The following BAAT variants were observed in gnomAD, a reference collection of about 807,000 sequenced individuals.
BAAT encodes the protein bile acid-CoA:amino acid N-acyltransferase.
Under a neutral mutation model 18.9 loss-of-function variants are expected in BAAT, and 13 were observed. The ratio of observed to expected loss-of-function variants is 0.69; its 90% CI spans 0.45 to 1.10. BAAT has a LOEUF of 1.10. Among genes scored for constraint, BAAT ranks in the 50% least tolerant of loss-of-function variants. The pLI, the probability that BAAT is intolerant of heterozygous loss-of-function variation, is 0.00. For synonymous variants in BAAT, 170 were observed against 190.7 expected, an observed-to-expected ratio of 0.89 and a Z score of 0.89; for missense variants, 489 against 504.0, an observed-to-expected ratio of 0.97 and a Z score of 0.28.
chr9:101,381,240 G>T (rs1830127448), intron 1 of BAAT, among the ~76,000 whole-genome samples: 4 of 151,926 alleles, frequency 2.6e-5, no homozygotes, highest in Admixed American at 2.6e-4. Flanking sequence ...AGAAGACACA[G>T]GCCAGGCGTG....
At position 101,368,297 on chromosome 9, in the gene BAAT, A is replaced by G. The variant is rs1160945771; in HGVS notation, c.492T>C (p.Ile164=). Residue 164 remains isoleucine (I), a synonymous_variant, in exon 3 of 4, where the codon ATT becomes ATC. Coordinates refer to ENST00000259407, the MANE Select transcript of BAAT (RefSeq NM_001701.4). ...GCCCACCCAAACCACCAAACAAATCAATTACCCCTGGGAAGAGACCCTCTC... is the reference window on the plus strand; with the variant it reads ...GCCCACCCAAACCACCAAACAAATCGATTACCCCTGGGAAGAGACCCTCTC... ...PPGEGLFPGV[I]DLFGGLGGLL... 5 of 1,612,834 alleles carry G rather than the reference A, an allele frequency of 3.1e-6. No individual in the cohort carries two copies. The highest frequency in any genetic ancestry group is 4.2e-6 in the Non-Finnish European group (5 of 1,179,972).
At chr9:101,365,809 C>T (rs1829816355) in intron 3 of BAAT, among the ~76,000 whole-genome samples, 1 of 152,138 alleles carries the variant, frequency 6.6e-6, no homozygotes, top group Admixed American at 6.5e-5. Context: ...GCTGGGATTA[C>T]AGGCATGAGC....
intron 1 of BAAT, among the ~76,000 whole-genome samples, chr9:101,380,947 G>A (rs1278479758): frequency 6.6e-6 from 1 of 151,390 alleles, no homozygotes; most frequent in Admixed American, 6.6e-5. Flanking sequence ...AGTAGAGATG[G>A]GGTTTCAGCA....
At position 101,362,508 on chromosome 9, in the gene BAAT, C is replaced by T. The variant is rs748612929; in HGVS notation, c.1177G>A (p.Ala393Thr). ...TCCTTCCAAGCATGTTCCTGTGCAG[C>T]TGCGTGTGGGATCACCTCTCCTCCC... ...HWGGEVIPHA[A>T]AQEHAWKEIQ... Residue 393 changes from alanine (A) to threonine (T), a missense_variant, in exon 4 of 4, where the codon GCT (alanine) becomes ACT (threonine). Transcript: ENST00000259407. 2 of 1,614,120 alleles carry T rather than the reference C, an allele frequency of 1.2e-6. No homozygotes were observed. The highest frequency in any genetic ancestry group is 1.7e-6 in the Non-Finnish European group (2 of 1,180,024).
chr9:101,379,904 A>C (rs1830105543), intron 1 of BAAT, among the ~76,000 whole-genome samples: 1 of 152,328 alleles, frequency 6.6e-6, no homozygotes, highest in South Asian at 2.1e-4. Flanking sequence ...ACTTCATCCA[A>C]GAAAATCAAA....
At chr9:101,381,221 A>C (rs1211043680) in intron 1 of BAAT, among the ~76,000 whole-genome samples, 3 of 151,556 alleles carry the variant, frequency 2.0e-5, no homozygotes, top group Non-Finnish European at 2.9e-5. Context: ...CAGATCAAAC[A>C]CTCCAATTAG....
At chr9:101,363,148 T>G in intron 3 of BAAT, 133 bp from the exon 4 acceptor site, 2 of 829,008 alleles carry the variant, frequency 2.4e-6, no homozygotes, top group Non-Finnish European at 3.8e-6. Context: ...TCCCTAGCTA[T>G]AGAGTTCTGG....
At chr9:101,373,818 G>A (rs1829997661) in intron 1 of BAAT, among the ~76,000 whole-genome samples, 1 of 152,198 alleles carries the variant, frequency 6.6e-6, no homozygotes, top group Admixed American at 6.5e-5. Flanking sequence ...GGTCTCGGGG[G>A]TAGGGGCGAA....
intron 1 of BAAT, among the ~76,000 whole-genome samples, chr9:101,374,384 C>G (rs1830004548): frequency 6.7e-6 from 1 of 150,332 alleles, no homozygotes; most frequent in African/African-American, 2.4e-5. Context: ...ATGCCTAGAG[C>G]CACATTTCTA....
At position 101,362,634 on chromosome 9, in the gene BAAT, T is replaced by C. The variant is rs1435770888; in HGVS notation, c.1051A>G (p.Asn351Asp). Residue 351 changes from asparagine (N) to aspartate (D), a missense_variant, in exon 4 of 4, where the codon AAC becomes GAC. Physicochemically the swap from Asn to Asp is conservative, Grantham distance 23. Coordinates refer to ENST00000259407, the MANE Select transcript of BAAT (RefSeq NM_001701.4). ...CCAGGGTAAGATAGCAGGGTCCAGT[T>C]GTTCTTCCCATGTCTCTTCAGCTGT... ...IGQLKRHGKN[N>D]WTLLSYPGAG... is the part of the protein sequence containing the mutation. 1.9e-6 allele frequency: 3 copies of C among 1,614,050 alleles called. No individual in the cohort carries two copies. Among genetic ancestry groups the C allele is most frequent in the Non-Finnish European group, 8.5e-7 (1 of 1,180,026 alleles).
Position 101,371,303 on chromosome 9 carries a change from T to C in BAAT, c.102A>G (p.Ala34=), listed in dbSNP as rs774722346. 6.2e-7 allele frequency: 1 copy of C among 1,613,764 alleles called. No homozygotes were observed. Among genetic ancestry groups the C allele is most frequent in the Non-Finnish European group, 8.5e-7 (1 of 1,179,694 alleles). ...LIPFQMVSFQ[A]SLEDENGDMF... is the part of the protein sequence containing the mutation. ...TGTCTCCGTTTTCATCTTCCAGTGA[T>C]GCCTGAAAACTCACCATCTGAAAGG... Residue 34 remains alanine (A), a synonymous_variant, in exon 2 of 4, where the codon GCA becomes GCG. Coordinates refer to ENST00000259407, the MANE Select transcript of BAAT (RefSeq NM_001701.4).
At position 101,368,204 on chromosome 9, in the gene BAAT, GT is replaced by G. The variant is rs1262103247; in HGVS notation, c.584del (p.Asn195ThrfsTer11). The G allele has an allele frequency of 6.3e-7, 1 of 1,593,658 alleles. No homozygotes were observed. The highest frequency in any genetic ancestry group is 1.3e-5 in the African/African-American group (1 of 74,168). The part of the protein sequence containing the change: ...GFASLALAYH[N>X]YEDLPRKPEV... The stretch of plus-strand genomic sequence containing the variant: ...CTGGTTTGCGGGGCAGGTCTTCATA[GT>G]TATGGTAAGCCAAGGCCAAGGAGGC... On this transcript the variant is annotated frameshift_variant, in exon 3 of 4. Transcript: ENST00000259407. LOFTEE classifies it high-confidence loss of function.
intron 1 of BAAT, chr9:101,375,339 A>G (rs1246910573): frequency 5.9e-6 from 1 of 170,592 alleles, no homozygotes; most frequent in East Asian, 1.4e-4. Flanking sequence ...CAGTGTGTGA[A>G]CAGACTAATA....
Position 101,361,581 on chromosome 9 carries a change from A to G in BAAT, c.*847T>C, listed in dbSNP as rs948710263. The G allele has an allele frequency of 6.5e-6, 1 of 152,722 alleles. No homozygotes were observed. Among genetic ancestry groups the G allele is most frequent in the East Asian group, 1.9e-4 (1 of 5,206 alleles). The allele number at this position is 152,722 out of a possible 1,614,324, so 9.5% of individuals were successfully genotyped here. A position where few individuals can be genotyped will look rare whatever the true frequency, so the allele number is the denominator to read the frequency against. ...AGAGCTCACATTCATGTGCTACTCT[A>G]ACATGACTGAAGAAATTCATTATGG... is the stretch of plus-strand genomic sequence containing the variant. On this transcript the variant is annotated 3_prime_UTR_variant, in exon 4 of 4. Transcript: ENST00000259407.
chr9:101,363,200 T>A (rs1393035712), intron 3 of BAAT, among the ~76,000 whole-genome samples, 185 bp from the exon 4 acceptor site: 1 of 152,202 alleles, frequency 6.6e-6, no homozygotes, highest in African/African-American at 2.4e-5. Context: ...CAAAAATATG[T>A]CAAGCTTTAC....
At chr9:101,381,485 CTGGGTGAAAGAGCTGACTCCACCT>C (rs1374977870) in intron 1 of BAAT, among the ~76,000 whole-genome samples, 1 of 152,110 alleles carries the variant, frequency 6.6e-6, no homozygotes, top group Non-Finnish European at 1.5e-5. Flanking sequence ...GATCATGCCA[CTGGGTGAAAGAGCTGACTCCACCT>C]TGGGTGAAAG....
rs982303668 is a variant in BAAT at position 101,361,191 on chromosome 9, T to C, written c.*1237A>G. On this transcript the variant is annotated 3_prime_UTR_variant, in exon 4 of 4. Coordinates refer to ENST00000259407, the MANE Select transcript of BAAT (RefSeq NM_001701.4). ...GGGTGGATGATGGAGATCAGAATGA[T>C]CCATCTCAATGAGATGAATTAGCAG... The C allele has an allele frequency of 2.6e-5, 4 of 154,952 alleles. No individual in the cohort carries two copies. Among genetic ancestry groups the C allele is most frequent in the African/African-American group, 9.6e-5 (4 of 41,516 alleles). 9.6% of individuals were successfully genotyped at this position (154,952 alleles called of 1,614,324 possible). A position where few individuals can be genotyped will look rare whatever the true frequency, so the allele number is the denominator to read the frequency against.
At chr9:101,367,323 T>C (rs1829847286) in intron 3 of BAAT, among the ~76,000 whole-genome samples, 2 of 152,062 alleles carry the variant, frequency 1.3e-5, no homozygotes, top group Admixed American at 1.3e-4. Context: ...GAAATACAGA[T>C]TATCTGTCCA....
Position 101,371,183 on chromosome 9 carries a change from G to T in BAAT, c.222C>A (p.His74Gln). Residue 74 changes from histidine (H) to glutamine (Q), a missense_variant, in exon 2 of 4, where the codon CAC (histidine) becomes CAA (glutamine). His to Gln is a conservative substitution (Grantham distance 24). Coordinates refer to ENST00000259407, the MANE Select transcript of BAAT (RefSeq NM_001701.4). ...SSLGGDYMGVHPMGLFWSLKP... is the reference protein window; with the variant it reads ...SSLGGDYMGVQPMGLFWSLKP... ...TCAGAGACCAGAAGAGACCCATGGGGTGGACTCCCATATAATCCCCTCCAA... is the reference window on the plus strand; with the variant it reads ...TCAGAGACCAGAAGAGACCCATGGGTTGGACTCCCATATAATCCCCTCCAA... 6.2e-7 allele frequency: 1 copy of T among 1,614,132 alleles called. No individual in the cohort carries two copies. The highest frequency in any genetic ancestry group is 8.5e-7 in the Non-Finnish European group (1 of 1,180,020).
Sources: allele counts gnomAD v4.1 joint callset (sites outside exome capture counted in the v4.1 genomes callset), GRCh38; gene constraint gnomAD v4.1.1; transcripts MANE v1.5; gene names NCBI Gene and HGNC (gene_info 2026-07-23, HGNC 2026-07-21).